Variants in STX18 observed in about 807,000 individuals in gnomAD.
STX18 encodes syntaxin 18.
A neutral mutation model predicts 50.1 loss-of-function variants in STX18; 40 were observed. The observed-to-expected ratio is 0.80, with a 90% CI of 0.62 to 1.04. The LOEUF is 1.04. Ranked by LOEUF, STX18 falls within the 50% of genes least tolerant of loss-of-function variation. The pLI is 0.00. For missense variants in STX18, 410 were observed against 415.8 expected, an observed-to-expected ratio of 0.99 and a Z score of 0.12; for synonymous variants, 158 against 151.8, an observed-to-expected ratio of 1.04 and a Z score of -0.30.
At chr4:4,531,214 CAT>C (rs905335504) in intron 1 of STX18, among the ~76,000 whole-genome samples, 32 of 151,686 alleles carry the variant, frequency 2.1e-4, no homozygotes. Context: ...TTCATATATG[CAT>C]ATATTATTTT....
At chr4:4,491,169 T>C (rs1482134706) in intron 1 of STX18, among the ~76,000 whole-genome samples, 1 of 151,636 alleles carries the variant, frequency 6.6e-6, no homozygotes. Flanking sequence ...GCTCTCAAAA[T>C]ATAAACTCAT....
chr4:4,520,909 T>A (rs1406548989), intron 1 of STX18, among the ~76,000 whole-genome samples: 1 of 152,202 alleles, frequency 6.6e-6, no homozygotes, highest in Non-Finnish European at 1.5e-5. Context: ...ATCAAAATGA[T>A]CTTTAGTATC....
chr4:4,457,492 C>A lies in STX18; in HGVS notation c.361G>T (p.Glu121Ter), dbSNP rs768109962. 1 of 1,613,624 alleles carries A rather than the reference C, an allele frequency of 6.2e-7. No homozygotes were observed. Among genetic ancestry groups the A allele is most frequent in the Non-Finnish European group, 8.5e-7 (1 of 1,179,828 alleles). ...IQQLRTEAHK[E>*]IHSQQVKEHR... is the part of the protein sequence containing the mutation. The stretch of plus-strand genomic sequence containing the variant: ...TCCTTCACTTGCTGGGAATGTATCT[C>A]CTTGTGAGCTGTAACAGAAAAAGAC... Residue 121 changes from glutamate (E) to a stop codon, truncating the protein, a stop_gained, in exon 4 of 11, where the codon GAG becomes TAG. Coordinates refer to ENST00000306200, the MANE Select transcript of STX18 (RefSeq NM_016930.4). LOFTEE classifies it high-confidence loss of function.
intron 2 of STX18, among the ~76,000 whole-genome samples, chr4:4,465,570 A>T (rs1381112384): frequency 6.6e-6 from 1 of 152,170 alleles, no homozygotes; most frequent in Admixed American, 6.5e-5. Context: ...ACGCATGGAC[A>T]TGAGGCGGTG....
At position 4,459,569 on chromosome 4, in the gene STX18, C is replaced by A. The variant is rs1472682435; in HGVS notation, c.237-82G>T. 8.2e-6 allele frequency: 8 copies of A among 972,800 alleles called. No individual in the cohort carries two copies. In the Admixed American group the frequency reaches 1.3e-4, roughly 16 times the overall value. 60.3% of individuals were successfully genotyped at this position (972,800 alleles called of 1,614,324 possible). On this transcript the variant is annotated intron_variant, in intron 2 of 10. Transcript: ENST00000306200. The stretch of plus-strand genomic sequence containing the variant: ...AGTGGGATGGGAAGAGAAGAAAAGG[C>A]CTCCCTGATCAGGTGACATTTAAGC...
At chr4:4,535,950 G>A (rs58344076) in intron 1 of STX18, among the ~76,000 whole-genome samples, 2,423 of 152,296 alleles carry the variant, frequency 0.016, 72 homozygotes, top group African/African-American at 0.054. Context: ...GGCACAGAAA[G>A]TCAACACTGC....
chr4:4,540,585 T>A (rs1731538743), intron 1 of STX18, among the ~76,000 whole-genome samples: 1 of 152,216 alleles, frequency 6.6e-6, no homozygotes, highest in Non-Finnish European at 1.5e-5. Context: ...CACATTCTTT[T>A]TGTGCCCTAC....
chr4:4,541,231 C>T (rs1731575834), intron 1 of STX18, among the ~76,000 whole-genome samples: 1 of 152,194 alleles, frequency 6.6e-6, no homozygotes, highest in Admixed American at 6.5e-5. Context: ...CTGCTCTGAT[C>T]AGGGAACAGA....
intron 1 of STX18, among the ~76,000 whole-genome samples, chr4:4,535,073 C>G (rs1731269340): frequency 6.6e-6 from 1 of 152,226 alleles, no homozygotes; most frequent in Non-Finnish European, 1.5e-5. Context: ...CCTTTGCTCA[C>G]ACCCATCCCT....
At chr4:4,484,128 C>G (rs957439625) in intron 1 of STX18, among the ~76,000 whole-genome samples, 1 of 152,312 alleles carries the variant, frequency 6.6e-6, no homozygotes, top group South Asian at 2.1e-4. Context: ...TCCCAAAGTG[C>G]TGGGATTACA....
chr4:4,481,061 ATG>A (rs1728433383), intron 1 of STX18, among the ~76,000 whole-genome samples: 1 of 152,146 alleles, frequency 6.6e-6, no homozygotes, highest in Non-Finnish European at 1.5e-5. Context: ...CTTTGTTTTT[ATG>A]TGTCACCCAC....
chr4:4,424,777 G>C (rs1032336693), intron 8 of STX18, among the ~76,000 whole-genome samples: 6 of 152,222 alleles, frequency 3.9e-5, no homozygotes, highest in African/African-American at 1.4e-4. Context: ...GACCCCAGTG[G>C]AACCATTTGC....
At position 4,436,917 on chromosome 4, in the gene STX18, C is replaced by CTTTCATTTT. The variant is rs559525477; in HGVS notation, c.613+1468_613+1476dup. On this transcript the variant is annotated intron_variant, in intron 6 of 10. Coordinates refer to ENST00000306200, the MANE Select transcript of STX18 (RefSeq NM_016930.4). ...CTGCCTCTGTCTAGAACTTTCTAAG[C>CTTTCATTTT]TTTCATTTTTTATTTTTTCAGGTCC... Among the ~76,000 whole-genome samples the CTTTCATTTT allele has an allele frequency of 6.9e-4, 100 of 145,760 alleles. No individual in the cohort carries two copies. The South Asian group carries it at 9.5e-3, about 14-fold the overall frequency.
intron 1 of STX18, among the ~76,000 whole-genome samples, chr4:4,492,934 T>C (rs1008694464): frequency 6.6e-6 from 1 of 152,198 alleles, no homozygotes; most frequent in African/African-American, 2.4e-5. Flanking sequence ...AAATTTAACT[T>C]ACATGAGATT....
chr4:4,423,822 C>T, intron 8 of STX18: 1 of 552,538 alleles, frequency 1.8e-6, no homozygotes, highest in Non-Finnish European at 3.2e-6. Flanking sequence ...TCCACTCTAC[C>T]ATGCCAACTG....
chr4:4,436,350 G>A (rs764676016), intron 6 of STX18, among the ~76,000 whole-genome samples: 36 of 152,112 alleles, frequency 2.4e-4, no homozygotes, highest in Admixed American at 1.3e-4. Context: ...GAAATGATCT[G>A]ATATTTTCCT....
chr4:4,454,390 C>T (rs73796008), intron 5 of STX18, among the ~76,000 whole-genome samples: 5,246 of 152,272 alleles, frequency 0.034, 282 homozygotes, highest in African/African-American at 0.11. Context: ...TTAGTCAAGG[C>T]CTCTGCTGAG....
intron 5 of STX18, 88 bp downstream of exon 5, chr4:4,457,103 T>A (rs181888966): frequency 3.2e-6 from 4 of 1,256,026 alleles, no homozygotes; most frequent in Non-Finnish European, 4.6e-6. Flanking sequence ...CACGGTACAT[T>A]GCATAGGGTA....
intron 5 of STX18, among the ~76,000 whole-genome samples, chr4:4,442,172 G>A (rs1458235424): frequency 6.6e-6 from 1 of 152,184 alleles, no homozygotes; most frequent in Non-Finnish European, 1.5e-5. Flanking sequence ...CTGCATATAT[G>A]TATTTAATAT....
Sources: gnomAD v4.1 joint callset for allele counts (sites outside exome capture counted in the v4.1 genomes callset) on GRCh38, gnomAD v4.1.1 for gene constraint, MANE v1.5 for transcripts, NCBI Gene and HGNC (gene_info 2026-07-23, HGNC 2026-07-21) for gene names.